Variants in CCDC170 observed in about 807,000 individuals in gnomAD.
The protein encoded by CCDC170 is coiled-coil domain containing 170.
Under a neutral mutation model 72.6 loss-of-function variants are expected in CCDC170, and 69 were observed. That is an observed-to-expected ratio of 0.95 (90% CI 0.78 to 1.16). The LOEUF (loss-of-function observed/expected upper bound fraction) is 1.16, where lower values mean the gene tolerates loss of function less well. CCDC170 is among the 50% of genes most tolerant of loss of function. The probability of loss-of-function intolerance (pLI) is 0.00; values close to 1 mark genes in which losing one functional copy is unlikely to be tolerated. For synonymous variants in CCDC170, 300 were observed against 303.9 expected (o/e 0.99, Z 0.13); for missense variants, 852 against 832.5 (o/e 1.02, Z -0.29).
chr6:151,586,154 A>T (rs1226352883), intron 7 of CCDC170, 65 bp downstream of exon 7: 27 of 1,511,848 alleles, frequency 1.8e-5, no homozygotes, highest in Non-Finnish European at 2.4e-5. Context: ...TTACCTGAAA[A>T]TATCCTGAAT....
chr6:151,612,747 G>A (rs958960124), intron 9 of CCDC170, among the ~76,000 whole-genome samples: 6 of 151,650 alleles, frequency 4.0e-5, no homozygotes, highest in African/African-American at 1.5e-4. Flanking sequence ...TTTCTTCTTA[G>A]GAAAGAAGGG....
intron 3 of CCDC170, among the ~76,000 whole-genome samples, chr6:151,538,992 C>A (rs898836891): frequency 6.6e-6 from 1 of 152,010 alleles, no homozygotes; most frequent in Non-Finnish European, 1.5e-5. Flanking sequence ...CCGGGCATGG[C>A]GGCTCACACC....
At chr6:151,612,075 A>AC (rs1347428411) in intron 9 of CCDC170, among the ~76,000 whole-genome samples, 2 of 152,148 alleles carry the variant, frequency 1.3e-5, no homozygotes, top group Non-Finnish European at 1.5e-5. Flanking sequence ...TAGTGATATC[A>AC]CACAAAATGG....
chr6:151,606,663 A>C (rs1300190622), intron 9 of CCDC170, among the ~76,000 whole-genome samples: 2 of 152,202 alleles, frequency 1.3e-5, no homozygotes, highest in African/African-American at 4.8e-5. Flanking sequence ...TTTATGTCCA[A>C]GAATTCTTTG....
intron 1 of CCDC170, among the ~76,000 whole-genome samples, chr6:151,531,032 T>C (rs903105456): frequency 6.6e-6 from 1 of 152,172 alleles, no homozygotes; most frequent in Non-Finnish European, 1.5e-5. Context: ...ATTTAAAAAA[T>C]TTGTTGTCAT....
chr6:151,599,606 A>C (rs1158790), intron 9 of CCDC170, among the ~76,000 whole-genome samples: 67,666 of 151,900 alleles, frequency 0.45, 19,037 homozygotes, highest in East Asian at 0.82. Flanking sequence ...CTGGGTCCTG[A>C]GGAGCCATTG....
At chr6:151,504,102 G>A (rs1292665448) in intron 1 of CCDC170, among the ~76,000 whole-genome samples, 1 of 152,186 alleles carries the variant, frequency 6.6e-6, no homozygotes, top group African/African-American at 2.4e-5. Context: ...GAAAATACAA[G>A]CTGAAGTGTT....
intron 1 of CCDC170, among the ~76,000 whole-genome samples, chr6:151,498,404 A>G (rs1781941279): frequency 6.6e-6 from 1 of 152,220 alleles, no homozygotes; most frequent in African/African-American, 2.4e-5. Context: ...CTCATATAAA[A>G]TACATATAAC....
At chr6:151,606,442 T>C (rs947793199) in intron 9 of CCDC170, among the ~76,000 whole-genome samples, 1 of 152,192 alleles carries the variant, frequency 6.6e-6, no homozygotes, top group African/African-American at 2.4e-5. Flanking sequence ...AAGTTTCTCT[T>C]GTGATTGATT....
intron 5 of CCDC170, among the ~76,000 whole-genome samples, chr6:151,562,760 C>T (rs1776061481): frequency 1.3e-5 from 2 of 152,070 alleles, no homozygotes; most frequent in East Asian, 1.9e-4. Flanking sequence ...AGAGTAAGAG[C>T]TGGCAGGTAG....
intron 1 of CCDC170, among the ~76,000 whole-genome samples, chr6:151,523,390 A>AC (rs1417522532): frequency 4.6e-5 from 7 of 152,312 alleles, no homozygotes; most frequent in Admixed American, 2.0e-4. Flanking sequence ...TATTAAAAAA[A>AC]ATTGAATTCT....
At chr6:151,573,539 A>C in intron 6 of CCDC170, 48 bp downstream of exon 6, 330 of 1,527,810 alleles carry the variant, frequency 2.2e-4, no homozygotes, top group Non-Finnish European at 2.8e-4. Context: ...CAGTGAGCTC[A>C]TTCATTTAGC....
At chr6:151,593,338 A>G (rs926069603) in intron 8 of CCDC170, 58 bp downstream of exon 8, 3 of 1,554,140 alleles carry the variant, frequency 1.9e-6, no homozygotes, top group Non-Finnish European at 2.6e-6. Context: ...AAACCCAAAC[A>G]TTGAAAAATA....
rs116415197 is a variant in CCDC170 at position 151,543,611 on chromosome 6, T to C, written c.444-961T>C. Among the ~76,000 whole-genome samples the C allele has an allele frequency of 4.6e-3, 707 of 152,282 alleles. 6 individuals carry two copies. Among genetic ancestry groups the C allele is most frequent in the African/African-American group, 0.016 (646 of 41,568 alleles). ...GTTTATAGCCATTGACTCACCTCCC[T>C]GTATCCTCCTTCATCCGCTACCCTT... is the stretch of plus-strand genomic sequence containing the variant. On this transcript the variant is annotated intron_variant, in intron 3 of 10. Transcript: ENST00000239374.
Position 151,615,135 on chromosome 6 carries a change from A to G in CCDC170, c.1711-308A>G, listed in dbSNP as rs1776937190. Among the ~76,000 whole-genome samples the G allele has an allele frequency of 2.0e-5, 3 of 152,328 alleles. No individual in the cohort carries two copies. The South Asian group carries it at 6.2e-4, about 32-fold the overall frequency. On this transcript the variant is annotated intron_variant, in intron 9 of 10. Transcript: ENST00000239374. ...AGGTGCTTTTGCTTATGGACCTCAT[A>G]GAGTGTGTGTGCACATACCAGCAGG... is the stretch of plus-strand genomic sequence containing the variant.
chr6:151,515,525 T>A (rs1782222680), intron 1 of CCDC170, among the ~76,000 whole-genome samples: 1 of 152,168 alleles, frequency 6.6e-6, no homozygotes, highest in Admixed American at 6.6e-5. Context: ...TCAGGTGATC[T>A]GCCTGCCTTG....
chr6:151,550,581 T>C (rs1162559163), intron 5 of CCDC170, among the ~76,000 whole-genome samples: 1 of 152,214 alleles, frequency 6.6e-6, no homozygotes, highest in Non-Finnish European at 1.5e-5. Context: ...CAAAGTTTAT[T>C]ATTGTTGTCA....
intron 9 of CCDC170, among the ~76,000 whole-genome samples, chr6:151,597,117 C>T (rs550007114): frequency 3.7e-4 from 57 of 152,086 alleles, no homozygotes; most frequent in South Asian, 3.5e-3. Context: ...TGAGCCACTG[C>T]GCCTGGCCTT....
At chr6:151,617,510 A>G (rs1361677838) in intron 10 of CCDC170, among the ~76,000 whole-genome samples, 1 of 133,846 alleles carries the variant, frequency 7.5e-6, no homozygotes, top group Non-Finnish European at 1.5e-5. Flanking sequence ...ATCCATGGGC[A>G]CAACCCCACC....
Sources: gnomAD v4.1 joint callset for allele counts (sites outside exome capture counted in the v4.1 genomes callset) on GRCh38, gnomAD v4.1.1 for gene constraint, MANE v1.5 for transcripts, NCBI Gene and HGNC (gene_info 2026-07-23, HGNC 2026-07-21) for gene names.